ZNF782: variants seen among roughly 807,000 people sequenced by gnomAD.
The protein encoded by ZNF782 is zinc finger protein 782.
Under a neutral mutation model 13.0 loss-of-function variants are expected in ZNF782, and 12 were observed. The observed-to-expected ratio is 0.92, with a 90% CI of 0.59 to 1.50. ZNF782 has a LOEUF of 1.50. Ranked by LOEUF, ZNF782 falls within the 40% of genes most tolerant of loss-of-function variation. ZNF782 has a pLI of 0.00. For synonymous variants in ZNF782, 284 were observed against 283.0 expected, an observed-to-expected ratio of 1.00 and a Z score of -0.04; for missense variants, 770 against 822.9, an observed-to-expected ratio of 0.94 and a Z score of 0.79.
chr9:96,840,582 T>G (rs945255268), intron 4 of ZNF782, among the ~76,000 whole-genome samples: 1 of 152,066 alleles, frequency 6.6e-6, no homozygotes, highest in Non-Finnish European at 1.5e-5. Context: ...ACTTGAGAAC[T>G]GCACTGGTGT....
chr9:96,901,864 T>C, the ZNF782 span, among the ~76,000 whole-genome samples: 1 of 129,584 alleles, frequency 7.7e-6, no homozygotes, highest in Non-Finnish European at 1.5e-5. Context: ...GGGCAAACTC[T>C]GTCTCAAAAA....
chr9:96,878,779 TTA>T (rs1361870037), upstream of ZNF782, among the ~76,000 whole-genome samples: 1 of 152,204 alleles, frequency 6.6e-6, no homozygotes, highest in African/African-American at 2.4e-5. Flanking sequence ...ATTTGTGAGA[TTA>T]TTTCTTTGCA....
At chr9:96,874,360 G>A (rs1387365499) in intron 1 of ZNF782, among the ~76,000 whole-genome samples, 1 of 149,658 alleles carries the variant, frequency 6.7e-6, no homozygotes, top group Non-Finnish European at 1.5e-5. Context: ...AGACTAGCGT[G>A]ACTAGTGTCA....
chr9:96,933,220 C>T, the ZNF782 span, among the ~76,000 whole-genome samples: 1 of 151,222 alleles, frequency 6.6e-6, no homozygotes, highest in Non-Finnish European at 1.5e-5. Flanking sequence ...CCTGGTGATT[C>T]TCCCGCCTCG....
Position 96,819,414 on chromosome 9 carries a change from A to G in ZNF782, c.609T>C (p.Ile203=). The change falls in exon 6 of 6, where the codon ATT becomes ATC. Residue 203 remains isoleucine (I), a synonymous_variant. Transcript: ENST00000481138. ...CCAGAGTCTGAATTGTCTGATGTTG[A>G]ATAACTTCCTCCTTATGATGGAGGG... ...VKTLHHKEEV[I]QHQTIQTLGQ... The G allele has an allele frequency of 6.2e-7, 1 of 1,610,666 alleles. No homozygotes were observed. The highest frequency in any genetic ancestry group is 1.3e-5 in the African/African-American group (1 of 74,752).
At chr9:96,908,462 G>A in the ZNF782 span, among the ~76,000 whole-genome samples, 9 of 152,226 alleles carry the variant, frequency 5.9e-5, no homozygotes, top group South Asian at 8.3e-4. Flanking sequence ...ATATTAAAAT[G>A]AGAAACAGTC....
At chr9:96,933,355 G>A in the ZNF782 span, among the ~76,000 whole-genome samples, 30 of 151,168 alleles carry the variant, frequency 2.0e-4, no homozygotes, top group African/African-American at 7.1e-4. Context: ...CGTGAGCCAC[G>A]GTTTGGGTTT....
the ZNF782 span, chr9:96,896,083 G>A: frequency 6.6e-6 from 1 of 152,286 alleles, no homozygotes; most frequent in South Asian, 2.1e-4. Flanking sequence ...GTAAATTACT[G>A]GAAACTTAAT....
At chr9:96,856,044 T>C (rs561991542), upstream of ZNF782, among the ~76,000 whole-genome samples, 1 of 152,356 alleles carries the variant, frequency 6.6e-6, no homozygotes, top group East Asian at 1.9e-4. Context: ...TATATCTTTT[T>C]TGAGAATTGT....
intron 5 of ZNF782, among the ~76,000 whole-genome samples, chr9:96,822,981 G>C (rs1465884084): frequency 6.6e-6 from 1 of 152,136 alleles, no homozygotes; most frequent in East Asian, 1.9e-4. Context: ...TATTTTGTCA[G>C]GGTCCCATGG....
At chr9:96,851,822 G>A (rs10124033) in intron 3 of ZNF782, 125 bp downstream of exon 3, 73,705 of 1,003,056 alleles carry the variant, frequency 0.073, 10,953 homozygotes, top group African/African-American at 0.47. Flanking sequence ...AGTTCATGGT[G>A]AAACTGTATA....
At chr9:96,911,499 G>GT in the ZNF782 span, among the ~76,000 whole-genome samples, 49 of 133,686 alleles carry the variant, frequency 3.7e-4, no homozygotes, top group South Asian at 1.7e-3. Context: ...TTTCTTACAA[G>GT]TTTTTTTTTT....
At chr9:96,830,159 AAACTTTTAGAC>A (rs138867351) in intron 4 of ZNF782, among the ~76,000 whole-genome samples, 330 of 152,360 alleles carry the variant, frequency 2.2e-3, no homozygotes, top group Non-Finnish European at 4.1e-3. Context: ...ACAAGATTGA[AAACTTTTAGAC>A]AACGACTGTT....
chr9:96,930,871 G>GTTTTTTTTTTT, the ZNF782 span, among the ~76,000 whole-genome samples: 4 of 104,404 alleles, frequency 3.8e-5, no homozygotes, highest in African/African-American at 1.5e-4. Flanking sequence ...TCCATCCAGT[G>GTTTTTTTTTTT]GTTTTTTTTT....
At position 96,816,310 on chromosome 9, in the gene ZNF782, TGTAG is replaced by T. The variant is rs1181583706; in HGVS notation, c.*1609_*1612del. On this transcript the variant is annotated 3_prime_UTR_variant, in exon 6 of 6. Coordinates refer to ENST00000481138, the MANE Select transcript of ZNF782 (RefSeq NM_001001662.3). ...TGTTATTAATATTCATGTGGCAAAT[TGTAG>T]CTGATGTCAAAGTAGTTATAAAGCA... Among the ~76,000 whole-genome samples the T allele has an allele frequency of 1.3e-5, 2 of 152,192 alleles. No homozygotes were observed. The highest frequency in any genetic ancestry group is 2.9e-5 in the Non-Finnish European group (2 of 68,030).
chr9:96,899,527 T>C, the ZNF782 span, among the ~76,000 whole-genome samples: 3 of 152,254 alleles, frequency 2.0e-5, no homozygotes, highest in African/African-American at 7.2e-5. Flanking sequence ...TATATCAGAA[T>C]ACCTGAAACC....
the ZNF782 span, chr9:96,933,780 A>G: frequency 4.0e-4 from 61 of 152,938 alleles, no homozygotes; most frequent in Non-Finnish European, 5.7e-4. Context: ...GGCCCAGCAG[A>G]AACCTGGCAC....
the ZNF782 span, among the ~76,000 whole-genome samples, chr9:96,915,449 C>T: frequency 2.0e-5 from 3 of 150,050 alleles, no homozygotes; most frequent in Admixed American, 1.3e-4. Context: ...GAGGCCAAGG[C>T]GGGCAGATCA....
the ZNF782 span, chr9:96,931,849 T>C: frequency 5.0e-6 from 8 of 1,612,364 alleles, 1 homozygote; most frequent in Non-Finnish European, 6.8e-6. Flanking sequence ...CTGCAGTGGT[T>C]CCTCCAGCCG....
Sources: gnomAD v4.1 joint callset for allele counts (sites outside exome capture counted in the v4.1 genomes callset) on GRCh38, gnomAD v4.1.1 for gene constraint, MANE v1.5 for transcripts, NCBI Gene and HGNC (gene_info 2026-07-23, HGNC 2026-07-21) for gene names.